RASGEF1C: variants seen among roughly 807,000 people sequenced by gnomAD.
RASGEF1C encodes the protein ras-GEF domain-containing family member 1C.
In RASGEF1C, 27 loss-of-function variants were observed where a neutral mutation model predicts 58.1. That is an observed-to-expected ratio of 0.46 (90% confidence interval 0.34 to 0.64). The LOEUF is 0.64. Among genes scored for constraint, RASGEF1C ranks in the 30% least tolerant of loss-of-function variants. The pLI, the probability that RASGEF1C is intolerant of heterozygous loss-of-function variation, is 0.01. For missense variants in RASGEF1C, 502 were observed against 605.1 expected, an observed-to-expected ratio of 0.83 and a Z score of 1.79; for synonymous variants, 243 against 246.3, an observed-to-expected ratio of 0.99 and a Z score of 0.13.
rs1169894947 is a variant in RASGEF1C, at chr5:180,137,469, G to A, written c.300+121C>T. ...GGCCTCAGACAAGGTGGAAACACCC[G>A]GTAGCCACCTTGTCAGGAAAACGGG... On this transcript the variant is annotated intron_variant, in intron 3 of 13. Transcript: ENST00000361132. This position sits in a 1 kb window ranked among gnomAD's most constrained non-coding sequence, Gnocchi z 4.1. The A allele has an allele frequency of 2.2e-6, 3 of 1,374,306 alleles. No homozygotes were observed. The highest frequency in any genetic ancestry group is 3.0e-6 in the Non-Finnish European group (3 of 1,003,134). 85.1% of individuals were successfully genotyped at this position (1,374,306 alleles called of 1,614,324 possible).
rs947192445 is a variant in RASGEF1C at position 180,120,757 on chromosome 5, C to G, written c.804+303G>C. 2.0e-5 allele frequency among the ~76,000 whole-genome samples: 3 copies of G among 152,196 alleles called. No homozygotes were observed. The East Asian group carries it at 5.8e-4, about 29-fold the overall frequency. On this transcript the variant is annotated intron_variant, in intron 7 of 13. Transcript: ENST00000361132. Reference sequence around the variant, plus strand: ...GCAGGCCAGGCTGCCCAAGGCAGGCCGGCACAGATGGAGAGAGCAGAGCCA... The same window carrying G: ...GCAGGCCAGGCTGCCCAAGGCAGGCGGGCACAGATGGAGAGAGCAGAGCCA...
At chr5:180,181,854 G>A (rs1164660845) in intron 1 of RASGEF1C, among the ~76,000 whole-genome samples, 8 of 152,176 alleles carry the variant, frequency 5.3e-5, no homozygotes, top group African/African-American at 1.9e-4. Flanking sequence ...ATATGCAGCA[G>A]CACACTATTG....
chr5:180,146,720 T>C (rs900548112), intron 1 of RASGEF1C, among the ~76,000 whole-genome samples: 10 of 152,218 alleles, frequency 6.6e-5, no homozygotes, highest in African/African-American at 2.4e-4. Context: ...CTTGGTTTGC[T>C]AGTATTTTGT....
At chr5:180,203,122 G>T (rs1756425655) in intron 1 of RASGEF1C, among the ~76,000 whole-genome samples, 2 of 152,198 alleles carry the variant, frequency 1.3e-5, no homozygotes, top group Admixed American at 1.3e-4. Flanking sequence ...CCAACAGGCA[G>T]TTTCTATGGT....
intron 11 of RASGEF1C, among the ~76,000 whole-genome samples, chr5:180,113,380 C>T (rs1223936201): frequency 4.7e-4 from 17 of 35,882 alleles, no homozygotes; most frequent in African/African-American, 1.5e-3. Context: ...GACGGAGGGA[C>T]CGGGGATGGA....
At chr5:180,164,893 T>C (rs1208379447) in intron 1 of RASGEF1C, among the ~76,000 whole-genome samples, 1 of 152,240 alleles carries the variant, frequency 6.6e-6, no homozygotes, top group African/African-American at 2.4e-5. Context: ...TGCGGATTTG[T>C]CTATTTTGCC....
chr5:180,119,271 C>T (rs1299307233), intron 8 of RASGEF1C, 75 bp downstream of exon 8: 33 of 1,267,650 alleles, frequency 2.6e-5, no homozygotes, highest in Non-Finnish European at 3.4e-5. Flanking sequence ...TGCACTCTGC[C>T]TGCCTGGCTG....
Position 180,195,652 on chromosome 5 carries a change from C to T in RASGEF1C, c.-7+13376G>A, listed in dbSNP as rs549017478. 2.6e-3 allele frequency among the ~76,000 whole-genome samples: 392 copies of T among 152,088 alleles called. 2 individuals are homozygous for T. The Middle Eastern group carries it at 0.034, about 13-fold the overall frequency. ...TGGCGGGCGCCTGTAGTCCCAGCTA[C>T]TCGGGAGGCTGAGGCAGGAGAATGG... On this transcript the variant is annotated intron_variant, in intron 1 of 13. Coordinates refer to ENST00000361132, the MANE Select transcript of RASGEF1C (RefSeq NM_175062.4).
rs1288933207 is a variant in RASGEF1C, at chr5:180,143,356, GC to G, written c.-6-5299del. Among the ~76,000 whole-genome samples the G allele has an allele frequency of 6.6e-6, 1 of 152,240 alleles. No individual in the cohort carries two copies. Among genetic ancestry groups the G allele is most frequent in the Non-Finnish European group, 1.5e-5 (1 of 68,042 alleles). On this transcript the variant is annotated intron_variant, in intron 1 of 13. Transcript: ENST00000361132. The surrounding 1 kb of genome is among the most constrained non-coding windows in gnomAD (Gnocchi z 4.3). ...CCTCTATGGGAGACGGGAAATGTGT[GC>G]AGGGACAGGGGCACCATGTGGTGCG...
chr5:180,140,431 C>T (rs1157817546), intron 1 of RASGEF1C, among the ~76,000 whole-genome samples: 1 of 152,222 alleles, frequency 6.6e-6, no homozygotes, highest in African/African-American at 2.4e-5. Flanking sequence ...CAAAGCCCGA[C>T]CTCAGGGAGC....
rs1766852588 is a variant in RASGEF1C, at chr5:180,156,407, C to T, written c.-6-18349G>A. Among the ~76,000 whole-genome samples, 1 of 152,178 alleles carries T rather than the reference C, an allele frequency of 6.6e-6. No homozygotes were observed. Among genetic ancestry groups the T allele is most frequent in the African/African-American group, 2.4e-5 (1 of 41,456 alleles). ...GTCTTCGGAAACACTGGGCTCAGCA[C>T]AGTTGGTGCCTGGCAGGGCCGAGGT... On this transcript the variant is annotated intron_variant, in intron 1 of 13. Transcript: ENST00000361132. The surrounding 1 kb of genome is among the most constrained non-coding windows in gnomAD (Gnocchi z 4.9).
rs183691863 is a variant in RASGEF1C, at chr5:180,175,579, G to A, written c.-7+33449C>T. 2.0e-3 allele frequency among the ~76,000 whole-genome samples: 305 copies of A among 152,320 alleles called. 2 individuals are homozygous for A. The highest frequency in any genetic ancestry group is 7.0e-3 in the African/African-American group (293 of 41,570). On this transcript the variant is annotated intron_variant, in intron 1 of 13. Coordinates refer to ENST00000361132, the MANE Select transcript of RASGEF1C (RefSeq NM_175062.4). ...CAGGGCCACACTCGGGACATTTCCC[G>A]AGCCTGAGCAGTCCCTGTGTTGTTC...
At chr5:180,189,153 C>A (rs574198908) in intron 1 of RASGEF1C, among the ~76,000 whole-genome samples, 2 of 152,076 alleles carry the variant, frequency 1.3e-5, no homozygotes, top group African/African-American at 4.8e-5. Flanking sequence ...CTATCAGCAA[C>A]AAAATGTTGG....
At position 180,158,965 on chromosome 5, in the gene RASGEF1C, C is replaced by T. The variant is rs1390478059; in HGVS notation, c.-6-20907G>A. 6.6e-6 allele frequency among the ~76,000 whole-genome samples: 1 copy of T among 152,034 alleles called. No homozygotes were observed. Among genetic ancestry groups the T allele is most frequent in the Non-Finnish European group, 1.5e-5 (1 of 68,012 alleles). On this transcript the variant is annotated intron_variant, in intron 1 of 13. Transcript: ENST00000361132. The surrounding 1 kb of genome is among the most constrained non-coding windows in gnomAD (Gnocchi z 4.0). Reference sequence around the variant, plus strand: ...TTACAAAATCTTCGTGCTCTACTTTCTGAAAGCATTTCAATTTTATCTTCT... The same window carrying T: ...TTACAAAATCTTCGTGCTCTACTTTTTGAAAGCATTTCAATTTTATCTTCT...
At chr5:180,161,336 G>A (rs1581114000) in intron 1 of RASGEF1C, among the ~76,000 whole-genome samples, 1 of 152,224 alleles carries the variant, frequency 6.6e-6, no homozygotes, top group South Asian at 2.1e-4. Context: ...AGTGGGCTCC[G>A]AGGCAAGGAG....
rs187001930 is a variant in RASGEF1C at position 180,114,405 on chromosome 5, C to T, written c.1179+41G>A. The T allele has an allele frequency of 7.8e-5, 124 of 1,591,208 alleles. No individual in the cohort carries two copies. In the African/African-American group the frequency reaches 9.1e-4, roughly 12 times the overall value. On this transcript the variant is annotated intron_variant, in intron 11 of 13. Coordinates refer to ENST00000361132, the MANE Select transcript of RASGEF1C (RefSeq NM_175062.4). Reference sequence around the variant, plus strand: ...GTGGTCCTGCCCTGGGAACTTTTCCCGGCCTGTCTACCTCAGTGGCGGTCC... The same window carrying T: ...GTGGTCCTGCCCTGGGAACTTTTCCTGGCCTGTCTACCTCAGTGGCGGTCC...
chr5:180,152,733 A>G (rs1430698478), intron 1 of RASGEF1C, among the ~76,000 whole-genome samples: 1 of 151,724 alleles, frequency 6.6e-6, no homozygotes, highest in Non-Finnish European at 1.5e-5. Flanking sequence ...AAAAAGAAAG[A>G]AAACCTGTCT....
rs744251 is a variant in RASGEF1C, at chr5:180,177,487, C to A, written c.-7+31541G>T. ...GAGCCCCGGGCTTCCTTCCGGGACC[C>A]CTGCCAAGGCTCAGCCCTGCTGCAG... On this transcript the variant is annotated intron_variant, in intron 1 of 13. Transcript: ENST00000361132. The surrounding 1 kb of genome is among the most constrained non-coding windows in gnomAD (Gnocchi z 5.0). Among the ~76,000 whole-genome samples the A allele has an allele frequency of 1.3e-5, 2 of 152,100 alleles. No individual in the cohort carries two copies. The highest frequency in any genetic ancestry group is 1.9e-4 in the East Asian group (1 of 5,182).
chr5:180,172,201 G>T (rs1157577819), intron 1 of RASGEF1C, among the ~76,000 whole-genome samples: 1 of 152,180 alleles, frequency 6.6e-6, no homozygotes, highest in Non-Finnish European at 1.5e-5. Context: ...GAGCACAGTG[G>T]GCAACAGCAG....
Sources: allele counts gnomAD v4.1 joint callset (sites outside exome capture counted in the v4.1 genomes callset), GRCh38; gene constraint gnomAD v4.1.1; non-coding constraint Gnocchi (gnomAD v3.1); transcripts MANE v1.5; gene names NCBI Gene and HGNC (gene_info 2026-07-23, HGNC 2026-07-21).